The following TTC39B variants were observed in gnomAD, a reference collection of about 807,000 sequenced individuals.
TTC39B encodes tetratricopeptide repeat domain 39B, also known as tetratricopeptide repeat protein 39B.
In TTC39B, 92 loss-of-function variants were observed where a neutral mutation model predicts 96.6. The ratio of observed to expected loss-of-function variants is 0.95; its 90% CI spans 0.80 to 1.13. TTC39B has a LOEUF of 1.13. TTC39B is among the 50% of genes most tolerant of loss of function. The pLI is 0.00. For missense variants in TTC39B, 955 were observed against 809.3 expected, an observed-to-expected ratio of 1.18 and a Z score of -2.18; for synonymous variants, 367 against 299.4, an observed-to-expected ratio of 1.23 and a Z score of -2.33.
chr9:15,272,182 C>T (rs1219533739), intron 1 of TTC39B, among the ~76,000 whole-genome samples: 1 of 152,204 alleles, frequency 6.6e-6, no homozygotes, highest in Non-Finnish European at 1.5e-5. Flanking sequence ...CCCATCAGGG[C>T]CCCTAGGTTT....
chr9:15,171,322 T>G (rs1817649294), exon 20 of TTC39B: 1 of 152,168 alleles, frequency 6.6e-6, no homozygotes, highest in African/African-American at 2.4e-5. Flanking sequence ...GACACTTCCT[T>G]CCCTTTAGAT....
At chr9:15,251,714 T>TACATACATATATACATATATAC (rs1822556871) in intron 2 of TTC39B, among the ~76,000 whole-genome samples, 1 of 93,710 alleles carries the variant, frequency 1.1e-5, no homozygotes, top group Non-Finnish European at 1.9e-5. Context: ...TATATATATA[T>TACATACATATATACATATATAC]ATATATATAT....
At chr9:15,302,826 A>G (rs1454716381) in intron 1 of TTC39B, among the ~76,000 whole-genome samples, 2 of 151,576 alleles carry the variant, frequency 1.3e-5, no homozygotes, top group Non-Finnish European at 2.9e-5. Context: ...CCTGGATGAC[A>G]AGAGCAAAAC....
chr9:15,268,024 G>A lies in TTC39B; in HGVS notation c.241-76C>T, dbSNP rs547768796. 2.8e-5 allele frequency: 38 copies of A among 1,376,246 alleles called. No individual in the cohort carries two copies. In the South Asian group the frequency reaches 4.2e-4, roughly 15 times the overall value. 85.3% of individuals were successfully genotyped at this position (1,376,246 alleles called of 1,614,324 possible). A position where few individuals can be genotyped will look rare whatever the true frequency, so the allele number is the denominator to read the frequency against. Reference sequence around the variant, plus strand: ...TCTCAAGAATTCTAAAAGAGAAAATGAATACACGCATTGGGGAGAGTGGTC... The same window carrying A: ...TCTCAAGAATTCTAAAAGAGAAAATAAATACACGCATTGGGGAGAGTGGTC... On this transcript the variant is annotated intron_variant, in intron 1 of 19. Transcript: ENST00000512701.
intron 1 of TTC39B, among the ~76,000 whole-genome samples, chr9:15,290,628 A>G (rs1347727859): frequency 6.6e-6 from 1 of 152,252 alleles, no homozygotes; most frequent in African/African-American, 2.4e-5. Flanking sequence ...TTTACGTAAA[A>G]TGCAGATTTA....
intron 6 of TTC39B, among the ~76,000 whole-genome samples, chr9:15,208,269 C>T (rs934298408): frequency 2.0e-5 from 3 of 151,924 alleles, no homozygotes; most frequent in Middle Eastern, 3.4e-3. Flanking sequence ...GTGATCCACC[C>T]GCCTCGGCCT....
At chr9:15,276,296 C>T (rs1197137782) in intron 1 of TTC39B, among the ~76,000 whole-genome samples, 1 of 152,202 alleles carries the variant, frequency 6.6e-6, no homozygotes, top group Non-Finnish European at 1.5e-5. Flanking sequence ...GCCTGCTGTT[C>T]ACCCATTCTC....
At chr9:15,197,858 A>G (rs1819265481) in intron 8 of TTC39B, among the ~76,000 whole-genome samples, 3 of 152,184 alleles carry the variant, frequency 2.0e-5, no homozygotes. Context: ...AGAAGGAAAA[A>G]AAACCCATCG....
chr9:15,305,548 A>G (rs138851903), intron 1 of TTC39B, among the ~76,000 whole-genome samples: 192 of 152,222 alleles, frequency 1.3e-3, no homozygotes, highest in Non-Finnish European at 2.1e-3. Context: ...TTATTAAGCA[A>G]CATCTTTTCT....
chr9:15,220,604 T>C (rs1314465960), intron 3 of TTC39B, among the ~76,000 whole-genome samples: 1 of 151,898 alleles, frequency 6.6e-6, no homozygotes, highest in Non-Finnish European at 1.5e-5. Context: ...ATGATATAAA[T>C]ATTACATCTA....
At chr9:15,248,776 T>A (rs149388460) in intron 2 of TTC39B, among the ~76,000 whole-genome samples, 2 of 152,314 alleles carry the variant, frequency 1.3e-5, no homozygotes, top group East Asian at 3.9e-4. Flanking sequence ...ATGTTTGATC[T>A]CTGGGTGGTA....
intron 6 of TTC39B, among the ~76,000 whole-genome samples, chr9:15,207,460 C>T (rs1819929126): frequency 6.6e-6 from 1 of 152,136 alleles, no homozygotes; most frequent in African/African-American, 2.4e-5. Context: ...GTATATGACA[C>T]ATTTCATGCC....
intron 2 of TTC39B, among the ~76,000 whole-genome samples, chr9:15,231,463 C>T (rs1821417670): frequency 6.6e-6 from 1 of 152,156 alleles, no homozygotes; most frequent in South Asian, 2.1e-4. Context: ...TGTTGAGAAT[C>T]TTTTTTAAGT....
intron 2 of TTC39B, among the ~76,000 whole-genome samples, chr9:15,263,510 G>T (rs1267873793): frequency 6.6e-6 from 1 of 152,170 alleles, no homozygotes; most frequent in African/African-American, 2.4e-5. Context: ...CCACACCGCT[G>T]TGCTTTGGAG....
intron 17 of TTC39B, among the ~76,000 whole-genome samples, chr9:15,180,839 GA>G (rs1201986831): frequency 6.6e-6 from 1 of 152,130 alleles, no homozygotes; most frequent in Non-Finnish European, 1.5e-5. Context: ...AGTTTCACAT[GA>G]AATATCTGGC....
At chr9:15,190,693 G>T (rs763270550) in intron 10 of TTC39B, 31 bp from the exon 11 acceptor site, 2 of 1,541,824 alleles carry the variant, frequency 1.3e-6, no homozygotes, top group Non-Finnish European at 9.0e-7. Flanking sequence ...TTTAGAAAGA[G>T]AACAAGACTG....
rs371083969 is a variant in TTC39B, at chr9:15,227,901, ACTTAGAAAAACCTTCC to A, written c.276-1905_276-1890del. Among the ~76,000 whole-genome samples the A allele has an allele frequency of 4.0e-3, 607 of 152,318 alleles. 3 individuals carry two copies. Among genetic ancestry groups the A allele is most frequent in the African/African-American group, 0.013 (554 of 41,560 alleles). On this transcript the variant is annotated intron_variant, in intron 2 of 19. Coordinates refer to ENST00000512701, the Ensembl canonical transcript of TTC39B. Reference sequence around the variant, plus strand: ...TTAACATTCCTGATTTTGAGGGCATACTTAGAAAAACCTTCCCTCTACAAAGATTATATAACATAGT... The same window carrying A: ...TTAACATTCCTGATTTTGAGGGCATACTCTACAAAGATTATATAACATAGT...
chr9:15,274,928 T>G (rs1307430781), intron 1 of TTC39B, among the ~76,000 whole-genome samples: 1 of 152,210 alleles, frequency 6.6e-6, no homozygotes, highest in Non-Finnish European at 1.5e-5. Context: ...TTTTTAAACA[T>G]TCATCAGTTG....
chr9:15,234,373 C>T (rs1169611796), intron 2 of TTC39B, among the ~76,000 whole-genome samples: 39 of 145,980 alleles, frequency 2.7e-4, no homozygotes, highest in African/African-American at 8.5e-4. Flanking sequence ...GTCAGCCCCC[C>T]GCCCGGCCAG....
Sources: gnomAD v4.1 joint callset for allele counts (sites outside exome capture counted in the v4.1 genomes callset) on GRCh38, gnomAD v4.1.1 for gene constraint, MANE v1.5 for transcripts, NCBI Gene and HGNC (gene_info 2026-07-23, HGNC 2026-07-21) for gene names.